The following ULK4 variants were observed in gnomAD, a reference collection of about 807,000 sequenced individuals.
ULK4 encodes the protein inactive serine/threonine-protein kinase ULK4.
ULK4 carries 133 observed loss-of-function variants against 160.6 expected under a neutral mutation model. The ratio of observed to expected loss-of-function variants is 0.83; its 90% CI spans 0.72 to 0.96. The LOEUF (loss-of-function observed/expected upper bound fraction) is 0.96, where lower values mean the gene tolerates loss of function less well. Among genes scored for constraint, ULK4 ranks in the 40% least tolerant of loss-of-function variants. ULK4 has a pLI of 0.00. For missense variants in ULK4, 1,580 were observed against 1,499.5 expected (o/e 1.05, Z -0.89); for synonymous variants, 534 against 539.8 (o/e 0.99, Z 0.15).
intron 29 of ULK4, among the ~76,000 whole-genome samples, chr3:41,678,683 A>AGTATT (rs1441337958): frequency 6.6e-6 from 1 of 152,254 alleles, no homozygotes; most frequent in Non-Finnish European, 1.5e-5. Context: ...AGTCTTGACT[A>AGTATT]ATACAATACT....
intron 17 of ULK4, among the ~76,000 whole-genome samples, chr3:41,844,624 G>A (rs1200898491): frequency 6.6e-6 from 1 of 152,192 alleles, no homozygotes; most frequent in Non-Finnish European, 1.5e-5. Context: ...CAGTGCAGCA[G>A]CAGGCTGAAG....
At chr3:41,501,302 C>T (rs2085197245) in intron 32 of ULK4, among the ~76,000 whole-genome samples, 1 of 152,168 alleles carries the variant, frequency 6.6e-6, no homozygotes, top group East Asian at 1.9e-4. Flanking sequence ...TCAAGACCAT[C>T]TTGGCTAACA....
chr3:41,481,926 C>A (rs1350039904), intron 32 of ULK4, among the ~76,000 whole-genome samples: 4 of 151,372 alleles, frequency 2.6e-5, no homozygotes, highest in Non-Finnish European at 5.9e-5. Flanking sequence ...TCCTTTATCA[C>A]AAACCCTTGT....
chr3:41,706,849 A>ATGTGTGTGTG lies in ULK4; in HGVS notation c.2635-1554_2635-1545dup, dbSNP rs749756575. ...TCTCAAAAAAAAAAAAAAAAAAAAT[A>ATGTGTGTGTG]TGTGTGTGTGTGTGTGTGTGTGTGT... On this transcript the variant is annotated intron_variant, in intron 25 of 36. Coordinates refer to ENST00000301831, the MANE Select transcript of ULK4 (RefSeq NM_017886.4). Among the ~76,000 whole-genome samples, 64 of 102,376 alleles carry ATGTGTGTGTG rather than the reference A, an allele frequency of 6.3e-4. 1 individual carries two copies. The highest frequency in any genetic ancestry group is 2.9e-3 in the African/African-American group (57 of 19,614). The allele number at this position is 102,376 out of a possible 152,430, so 67.2% of individuals were successfully genotyped here.
intron 34 of ULK4, among the ~76,000 whole-genome samples, chr3:41,419,784 A>G (rs966323604): frequency 6.6e-6 from 1 of 152,134 alleles, no homozygotes; most frequent in African/African-American, 2.4e-5. Flanking sequence ...GAGGAAGGGC[A>G]TAAGAAGGAT....
intron 12 of ULK4, among the ~76,000 whole-genome samples, chr3:41,906,767 G>A (rs1698578768): frequency 6.6e-6 from 1 of 152,142 alleles, no homozygotes; most frequent in South Asian, 2.1e-4. Context: ...GGCCGAGGCG[G>A]GCAGATCATG....
chr3:41,755,137 G>A (rs1404870125), intron 21 of ULK4, among the ~76,000 whole-genome samples: 1 of 152,090 alleles, frequency 6.6e-6, no homozygotes, highest in African/African-American at 2.4e-5. Flanking sequence ...CACACACATG[G>A]TTAACGAATG....
At chr3:41,641,287 T>C (rs1342624712) in intron 30 of ULK4, among the ~76,000 whole-genome samples, 3 of 152,214 alleles carry the variant, frequency 2.0e-5, no homozygotes, top group Non-Finnish European at 2.9e-5. Flanking sequence ...ATTCAGAAGA[T>C]AAAATCCTTT....
At chr3:41,702,511 T>C (rs956876610) in intron 27 of ULK4, among the ~76,000 whole-genome samples, 4 of 152,142 alleles carry the variant, frequency 2.6e-5, no homozygotes, top group Non-Finnish European at 5.9e-5. Flanking sequence ...TAAAAGTAGA[T>C]GTCTGAAGGA....
chr3:41,592,012 G>A (rs997645705), intron 31 of ULK4, among the ~76,000 whole-genome samples: 5 of 152,196 alleles, frequency 3.3e-5, no homozygotes, highest in East Asian at 1.9e-4. Context: ...TCTTGCATCC[G>A]GAACTTTTGT....
intron 21 of ULK4, among the ~76,000 whole-genome samples, chr3:41,776,527 C>T (rs897436864): frequency 6.6e-6 from 1 of 150,690 alleles, no homozygotes; most frequent in Non-Finnish European, 1.5e-5. Flanking sequence ...AAAAGATGAA[C>T]ATTTCTATAA....
chr3:41,861,191 TAC>T (rs2042490710), intron 17 of ULK4, among the ~76,000 whole-genome samples: 1 of 152,216 alleles, frequency 6.6e-6, no homozygotes, highest in African/African-American at 2.4e-5. Context: ...TACACACAAT[TAC>T]AGTGTTACAA....
chr3:41,942,267 C>T (rs1262822105), intron 2 of ULK4, among the ~76,000 whole-genome samples: 1 of 152,154 alleles, frequency 6.6e-6, no homozygotes, highest in Non-Finnish European at 1.5e-5. Flanking sequence ...ACCTGTAAAC[C>T]CAACACTTTG....
chr3:41,620,297 G>C (rs764492443), intron 30 of ULK4, among the ~76,000 whole-genome samples: 4 of 152,058 alleles, frequency 2.6e-5, no homozygotes, highest in Non-Finnish European at 5.9e-5. Context: ...ACCTGGCAGA[G>C]ACACAACAAA....
intron 31 of ULK4, among the ~76,000 whole-genome samples, chr3:41,614,225 G>A (rs2032844744): frequency 6.6e-6 from 1 of 152,180 alleles, no homozygotes; most frequent in African/African-American, 2.4e-5. Flanking sequence ...CACAGCAAAA[G>A]GATGAATCAT....
chr3:41,676,871 C>T (rs2035736400), intron 29 of ULK4, among the ~76,000 whole-genome samples: 1 of 151,112 alleles, frequency 6.6e-6, no homozygotes, highest in African/African-American at 2.4e-5. Context: ...CTTTGCTTAT[C>T]CCCTTCTTGC....
intron 31 of ULK4, among the ~76,000 whole-genome samples, chr3:41,609,759 G>A (rs567017908): frequency 6.6e-6 from 1 of 152,092 alleles, no homozygotes; most frequent in Non-Finnish European, 1.5e-5. Flanking sequence ...TCAGCTTGAG[G>A]TCAGGAATTT....
chr3:41,827,988 G>C (rs937181990), intron 18 of ULK4, among the ~76,000 whole-genome samples: 1 of 151,960 alleles, frequency 6.6e-6, no homozygotes, highest in Non-Finnish European at 1.5e-5. Flanking sequence ...TGCAACGCTG[G>C]TTCAACATAC....
At chr3:41,418,428 A>T (rs1206800796) in intron 34 of ULK4, among the ~76,000 whole-genome samples, 4 of 151,998 alleles carry the variant, frequency 2.6e-5, no homozygotes, top group African/African-American at 9.7e-5. Flanking sequence ...TTTCCAAAAA[A>T]TTTTTAAAAG....
Sources: allele counts gnomAD v4.1 joint callset (sites outside exome capture counted in the v4.1 genomes callset), GRCh38; gene constraint gnomAD v4.1.1; transcripts MANE v1.5; gene names NCBI Gene and HGNC (gene_info 2026-07-23, HGNC 2026-07-21).